EVC2: variants seen among roughly 807,000 people sequenced by gnomAD.
The protein encoded by EVC2 is EvC ciliary complex subunit 2, also known as limbin.
A neutral mutation model predicts 149.3 loss-of-function variants in EVC2; 148 were observed. That is an observed-to-expected ratio of 0.99 (90% CI 0.87 to 1.14). The LOEUF (loss-of-function observed/expected upper bound fraction) is 1.14, where lower values mean the gene tolerates loss of function less well. EVC2 is among the 50% of genes most tolerant of loss of function. The probability of loss-of-function intolerance (pLI) is 0.00; values close to 1 mark genes in which losing one functional copy is unlikely to be tolerated. For synonymous variants in EVC2, 776 were observed against 649.9 expected, an observed-to-expected ratio of 1.19 and a Z score of -2.95; for missense variants, 1,854 against 1,627.3, an observed-to-expected ratio of 1.14 and a Z score of -2.40.
chr4:5,586,720 T>C (rs1386608061), intron 16 of EVC2, among the ~76,000 whole-genome samples: 2 of 152,148 alleles, frequency 1.3e-5, no homozygotes, highest in East Asian at 3.9e-4. Flanking sequence ...AATCAGAAAA[T>C]CTTTTCATCG....
chr4:5,556,272 A>G (rs34460225), intron 21 of EVC2, among the ~76,000 whole-genome samples: 71,648 of 150,858 alleles, frequency 0.47, 20,471 homozygotes, highest in Non-Finnish European at 0.65. Flanking sequence ...ATTAAACTAG[A>G]AATCAATAAA....
chr4:5,692,950 G>C (rs1197907641), intron 3 of EVC2, among the ~76,000 whole-genome samples: 1 of 150,722 alleles, frequency 6.6e-6, no homozygotes, highest in South Asian at 2.1e-4. Context: ...ATATGCAACA[G>C]CATCAGCCTG....
chr4:5,554,353 G>A (rs1192116400), intron 21 of EVC2, among the ~76,000 whole-genome samples: 3 of 152,140 alleles, frequency 2.0e-5, no homozygotes, highest in Non-Finnish European at 2.9e-5. Context: ...AATTGCTGAG[G>A]GCTGAAAGTA....
intron 1 of EVC2, among the ~76,000 whole-genome samples, chr4:5,702,554 A>C (rs1251668262): frequency 6.6e-6 from 1 of 152,234 alleles, no homozygotes; most frequent in Non-Finnish European, 1.5e-5. Flanking sequence ...AAAATGGTCT[A>C]GAATCTGAGC....
At position 5,702,933 on chromosome 4, in the gene EVC2, A is replaced by T. The variant is rs149611614; in HGVS notation, c.229-5286T>A. Among the ~76,000 whole-genome samples, 6 of 152,290 alleles carry T rather than the reference A, an allele frequency of 3.9e-5. No individual in the cohort carries two copies. In the East Asian group the frequency reaches 1.2e-3, roughly 29 times the overall value. On this transcript the variant is annotated intron_variant, in intron 1 of 21. Coordinates refer to ENST00000344408, the MANE Select transcript of EVC2 (RefSeq NM_147127.5). ...AAGATTAAACCAGAAAATAAATGTA[A>T]AGCTTAGCATAGTAACAGAGTATTT... is the stretch of plus-strand genomic sequence containing the variant.
intron 10 of EVC2, among the ~76,000 whole-genome samples, chr4:5,638,465 AAT>A (rs1717052445): frequency 5.9e-5 from 9 of 152,124 alleles, no homozygotes; most frequent in Admixed American, 5.2e-4. Context: ...TTAGGAGCTG[AAT>A]CACCGAACAG....
intron 6 of EVC2, among the ~76,000 whole-genome samples, chr4:5,683,923 CACACACACAGCTGCCCGGGA>C (rs900428197): frequency 6.7e-6 from 1 of 149,762 alleles, no homozygotes; most frequent in Non-Finnish European, 1.5e-5. Context: ...TGCCCGGGAA[CACACACACAGCTGCCCGGGA>C]ACACACACAG....
At chr4:5,675,784 A>G (rs2151718466) in intron 7 of EVC2, among the ~76,000 whole-genome samples, 2 of 152,216 alleles carry the variant, frequency 1.3e-5, no homozygotes, top group South Asian at 2.1e-4. Flanking sequence ...ATCTCTACTA[A>G]TAATACAAAA....
chr4:5,579,763 C>T (rs1437725282), intron 17 of EVC2, among the ~76,000 whole-genome samples: 1 of 152,162 alleles, frequency 6.6e-6, no homozygotes, highest in Non-Finnish European at 1.5e-5. Flanking sequence ...ATCAATTGAA[C>T]CCAGGAGGTG....
At chr4:5,664,819 C>T (rs2108898569) in intron 8 of EVC2, among the ~76,000 whole-genome samples, 1 of 152,262 alleles carries the variant, frequency 6.6e-6, no homozygotes, top group Non-Finnish European at 1.5e-5. Flanking sequence ...CCCCTTTTGT[C>T]CTGGGATCAC....
chr4:5,532,656 G>A, the EVC2 span, among the ~76,000 whole-genome samples: 314 of 152,210 alleles, frequency 2.1e-3, 2 homozygotes, highest in Non-Finnish European at 3.1e-3. Flanking sequence ...TCTCCCCAGC[G>A]GCTGCCTAAG....
At chr4:5,671,462 G>C (rs183611480) in intron 7 of EVC2, among the ~76,000 whole-genome samples, 2 of 152,150 alleles carry the variant, frequency 1.3e-5, no homozygotes, top group African/African-American at 4.8e-5. Flanking sequence ...CTTTAATTTT[G>C]TCCACAGACC....
At chr4:5,557,944 T>C (rs4629382), downstream of EVC2, among the ~76,000 whole-genome samples, 75,169 of 151,948 alleles carry the variant, frequency 0.49, 21,330 homozygotes, top group Non-Finnish European at 0.65. Context: ...TTCCTATTCA[T>C]GATTTGGAAG....
intron 10 of EVC2, among the ~76,000 whole-genome samples, chr4:5,632,531 C>CA (rs1438190915): frequency 5.3e-5 from 8 of 152,066 alleles, no homozygotes. Flanking sequence ...AAATAGCCTG[C>CA]AAAAAATGGA....
chr4:5,563,168 G>T, intron 21 of EVC2, 53 bp from the exon 22 acceptor site: 1 of 1,542,362 alleles, frequency 6.5e-7, no homozygotes, highest in Non-Finnish European at 8.9e-7. Context: ...GAACCCTCTG[G>T]AGTGTTCTGA....
intron 8 of EVC2, among the ~76,000 whole-genome samples, chr4:5,663,854 G>T (rs111316912): frequency 7.2e-5 from 11 of 152,278 alleles, no homozygotes; most frequent in African/African-American, 2.6e-4. Context: ...CCAGGAGACG[G>T]AAGCTGCAGT....
rs915120082 is a variant in EVC2 at position 5,636,625 on chromosome 4, G to A, written c.1470+3889C>T. Among the ~76,000 whole-genome samples the A allele has an allele frequency of 1.3e-5, 2 of 152,098 alleles. No individual in the cohort carries two copies. The highest frequency in any genetic ancestry group is 6.5e-5 in the Admixed American group (1 of 15,278). On this transcript the variant is annotated intron_variant, in intron 10 of 21. Transcript: ENST00000344408. The surrounding 1 kb of genome is among the most constrained non-coding windows in gnomAD (Gnocchi z 4.6). Reference sequence around the variant, plus strand: ...ACACCATTTTATAACAGAGACTTGAGAATTTGTGGATTTTGGTATCCATGG... The same window carrying A: ...ACACCATTTTATAACAGAGACTTGAAAATTTGTGGATTTTGGTATCCATGG...
At chr4:5,596,104 C>A (rs748035136) in intron 16 of EVC2, among the ~76,000 whole-genome samples, 1 of 152,118 alleles carries the variant, frequency 6.6e-6, no homozygotes, top group African/African-American at 2.4e-5. Context: ...ACTTAGACTC[C>A]CACACAATAA....
intron 16 of EVC2, among the ~76,000 whole-genome samples, chr4:5,597,706 A>C: frequency 6.9e-6 from 1 of 145,758 alleles, no homozygotes; most frequent in South Asian, 2.3e-4. Context: ...TACTGTTGGA[A>C]GTTCTGGCCA....
Sources: allele counts gnomAD v4.1 joint callset (sites outside exome capture counted in the v4.1 genomes callset), GRCh38; gene constraint gnomAD v4.1.1; non-coding constraint Gnocchi (gnomAD v3.1); transcripts MANE v1.5; gene names NCBI Gene and HGNC (gene_info 2026-07-23, HGNC 2026-07-21).